The following PRIM2 variants were observed in gnomAD, a reference collection of about 807,000 sequenced individuals.
PRIM2 encodes the protein DNA primase large subunit.
In PRIM2, 39 loss-of-function variants were observed where a neutral mutation model predicts 67.3. That is an observed-to-expected ratio of 0.58 (90% CI 0.45 to 0.76). The LOEUF (loss-of-function observed/expected upper bound fraction) is 0.76, where lower values mean the gene tolerates loss of function less well. PRIM2 is among the 30% of genes least tolerant of loss of function. The probability of loss-of-function intolerance (pLI) is 0.00; values close to 1 mark genes in which losing one functional copy is unlikely to be tolerated. For synonymous variants in PRIM2, 143 were observed against 198.7 expected (o/e 0.72, Z 2.36); for missense variants, 398 against 598.7 (o/e 0.66, Z 3.50).
At chr6:57,340,658 A>T (rs983398633) in intron 5 of PRIM2, among the ~76,000 whole-genome samples, 1 of 152,134 alleles carries the variant, frequency 6.6e-6, no homozygotes, top group African/African-American at 2.4e-5. Flanking sequence ...TTGAACAATG[A>T]GAACACATGG....
the PRIM2 span, among the ~76,000 whole-genome samples, chr6:57,273,397 C>G: frequency 1.3e-5 from 2 of 152,202 alleles, no homozygotes; most frequent in Non-Finnish European, 2.9e-5. Context: ...TGACTGATAG[C>G]CTATCTTCCA....
chr6:57,411,127 C>T (rs1371277131), intron 7 of PRIM2, among the ~76,000 whole-genome samples: 1 of 151,696 alleles, frequency 6.6e-6, no homozygotes, highest in Non-Finnish European at 1.5e-5. Context: ...TGGCACCTAT[C>T]CCCCCAACTC....
At chr6:57,314,063 C>T (rs1167860036), upstream of PRIM2, among the ~76,000 whole-genome samples, 1 of 152,188 alleles carries the variant, frequency 6.6e-6, no homozygotes, top group Non-Finnish European at 1.5e-5. Flanking sequence ...TTATTACAGG[C>T]TAAACTAGGA....
At chr6:57,541,761 CA>C (rs1196661660) in intron 10 of PRIM2, among the ~76,000 whole-genome samples, 2 of 152,136 alleles carry the variant, frequency 1.3e-5, no homozygotes, top group Non-Finnish European at 2.9e-5. Context: ...CCCTCTTACT[CA>C]CAGGAGGTCA....
At chr6:57,552,928 G>C (rs1775433110) in intron 10 of PRIM2, among the ~76,000 whole-genome samples, 2 of 151,946 alleles carry the variant, frequency 1.3e-5, no homozygotes, top group Non-Finnish European at 2.9e-5. Flanking sequence ...ATTCATCTCA[G>C]ATTTTCTCCA....
chr6:57,465,013 G>C (rs2127399149), intron 7 of PRIM2, among the ~76,000 whole-genome samples: 1 of 152,124 alleles, frequency 6.6e-6, no homozygotes, highest in Admixed American at 6.5e-5. Context: ...TTTATAGTTG[G>C]GATTATTATA....
upstream of PRIM2, among the ~76,000 whole-genome samples, chr6:57,315,726 C>T (rs566149165): frequency 6.6e-5 from 10 of 151,980 alleles, no homozygotes; most frequent in East Asian, 1.9e-3. Context: ...TTTTGGTAGA[C>T]CTTTCTCTAG....
intron 10 of PRIM2, among the ~76,000 whole-genome samples, chr6:57,587,291 G>T (rs2127487110): frequency 6.6e-6 from 1 of 152,268 alleles, no homozygotes; most frequent in African/African-American, 2.4e-5. Flanking sequence ...AATCGTTGGG[G>T]CATAACAGTC....
chr6:57,230,857 TA>T, the PRIM2 span, among the ~76,000 whole-genome samples: 1 of 152,184 alleles, frequency 6.6e-6, no homozygotes, highest in African/African-American at 2.4e-5. Context: ...CTCCCAGGGT[TA>T]TGGAGGTTGG....
At chr6:57,247,152 G>A in the PRIM2 span, among the ~76,000 whole-genome samples, 2 of 152,240 alleles carry the variant, frequency 1.3e-5, no homozygotes, top group African/African-American at 2.4e-5. Flanking sequence ...CACCGCGCCC[G>A]GCCTGGACTT....
chr6:57,461,147 A>G (rs1772990231), intron 7 of PRIM2, among the ~76,000 whole-genome samples: 1 of 152,246 alleles, frequency 6.6e-6, no homozygotes. Flanking sequence ...TTTTGAAGAT[A>G]ACTCGTGGGG....
intron 7 of PRIM2, among the ~76,000 whole-genome samples, chr6:57,414,779 TATATATAA>T (rs1381775390): frequency 6.6e-6 from 1 of 152,164 alleles, no homozygotes; most frequent in Non-Finnish European, 1.5e-5. Context: ...TTCTTTATGA[TATATATAA>T]ATTTTATAGC....
At chr6:57,318,798 A>G (rs1486635758) in intron 2 of PRIM2, among the ~76,000 whole-genome samples, 199 bp downstream of exon 2, 3 of 152,144 alleles carry the variant, frequency 2.0e-5, no homozygotes, top group Non-Finnish European at 4.4e-5. Flanking sequence ...TATTTATTGT[A>G]CAATGCATAT....
intron 8 of PRIM2, among the ~76,000 whole-genome samples, chr6:57,510,953 G>T (rs1481919642): frequency 6.6e-6 from 1 of 151,922 alleles, no homozygotes; most frequent in Non-Finnish European, 1.5e-5. Context: ...GAGGCGGATG[G>T]ACATTAGGAG....
intron 7 of PRIM2, among the ~76,000 whole-genome samples, chr6:57,457,811 C>T (rs1323239556): frequency 6.6e-6 from 1 of 152,146 alleles, no homozygotes; most frequent in Non-Finnish European, 1.5e-5. Flanking sequence ...CACTTTCCGA[C>T]ACTCACCAGT....
chr6:57,375,949 G>A (rs145455531), intron 5 of PRIM2, among the ~76,000 whole-genome samples: 71 of 152,146 alleles, frequency 4.7e-4, no homozygotes, highest in African/African-American at 1.7e-3. Context: ...GCTCACATCT[G>A]TAATTCTAAC....
chr6:57,475,754 C>A (rs1184856943), intron 7 of PRIM2, among the ~76,000 whole-genome samples: 1 of 152,226 alleles, frequency 6.6e-6, no homozygotes, highest in African/African-American at 2.4e-5. Context: ...ACTATTCATT[C>A]TTTTGCACAT....
intron 7 of PRIM2, among the ~76,000 whole-genome samples, chr6:57,434,294 A>G (rs2191651): frequency 0.48 from 72,155 of 151,778 alleles, 18,792 homozygotes; most frequent in South Asian, 0.63. Flanking sequence ...ACACATGTAA[A>G]GCACTTAGAA....
At chr6:57,478,716 T>C (rs1773540024) in intron 7 of PRIM2, among the ~76,000 whole-genome samples, 1 of 152,132 alleles carries the variant, frequency 6.6e-6, no homozygotes, top group Non-Finnish European at 1.5e-5. Context: ...GCCAGCGTAC[T>C]GTGTTCCCTT....
Sources: allele counts gnomAD v4.1 joint callset (sites outside exome capture counted in the v4.1 genomes callset), GRCh38; gene constraint gnomAD v4.1.1; transcripts MANE v1.5; gene names NCBI Gene and HGNC (gene_info 2026-07-23, HGNC 2026-07-21).